CCSER1: variants seen among roughly 807,000 people sequenced by gnomAD.
The protein encoded by CCSER1 is serine-rich coiled-coil domain-containing protein 1.
CCSER1 carries 41 observed loss-of-function variants against 82.0 expected under a neutral mutation model. That is an observed-to-expected ratio of 0.50 (90% CI 0.39 to 0.65). The LOEUF (loss-of-function observed/expected upper bound fraction) is 0.65, where lower values mean the gene tolerates loss of function less well. Among genes scored for constraint, CCSER1 ranks in the 30% least tolerant of loss-of-function variants. The probability of loss-of-function intolerance (pLI) is 0.00; values close to 1 mark genes in which losing one functional copy is unlikely to be tolerated. For missense variants in CCSER1, 1,119 were observed against 1,064.2 expected (o/e 1.05, Z -0.72); for synonymous variants, 414 against 383.9 (o/e 1.08, Z -0.92).
At chr4:90,330,209 C>T (rs992410799) in intron 3 of CCSER1, among the ~76,000 whole-genome samples, 10 of 152,060 alleles carry the variant, frequency 6.6e-5, no homozygotes, top group African/African-American at 2.4e-4. Context: ...AGGATACTTC[C>T]ACCAGTAGGT....
intron 10 of CCSER1, among the ~76,000 whole-genome samples, chr4:91,291,404 C>T (rs1743732743): frequency 6.6e-6 from 1 of 151,912 alleles, no homozygotes; most frequent in Admixed American, 6.6e-5. Flanking sequence ...CGAAGAAACA[C>T]CCGAGACTGG....
intron 10 of CCSER1, among the ~76,000 whole-genome samples, chr4:91,103,315 T>C (rs1048281425): frequency 2.4e-4 from 36 of 152,166 alleles, no homozygotes; most frequent in African/African-American, 8.2e-4. Context: ...GTTTTTACCA[T>C]TGTCCTTTAA....
intron 10 of CCSER1, among the ~76,000 whole-genome samples, chr4:91,352,432 G>A (rs1412704274): frequency 6.6e-6 from 1 of 152,102 alleles, no homozygotes; most frequent in South Asian, 2.1e-4. Flanking sequence ...AATTTTAGTA[G>A]AGACAGCGTT....
At chr4:90,197,926 G>A (rs1179925435) in intron 1 of CCSER1, among the ~76,000 whole-genome samples, 5 of 152,074 alleles carry the variant, frequency 3.3e-5, no homozygotes, top group African/African-American at 1.2e-4. Flanking sequence ...CTGTTTAAGA[G>A]TAAATTAGAT....
intron 10 of CCSER1, among the ~76,000 whole-genome samples, chr4:91,315,932 C>T (rs764041859): frequency 1.4e-3 from 211 of 151,898 alleles, no homozygotes; most frequent in Non-Finnish European, 7.7e-4. Flanking sequence ...ATTGTACCTC[C>T]CATAATCACC....
intron 8 of CCSER1, among the ~76,000 whole-genome samples, chr4:90,891,832 T>G (rs996560632): frequency 6.6e-6 from 1 of 152,214 alleles, no homozygotes. Context: ...TGATCAATAA[T>G]TTCAAATACT....
intron 9 of CCSER1, among the ~76,000 whole-genome samples, chr4:91,085,456 G>A (rs1417689122): frequency 1.3e-5 from 2 of 151,958 alleles, no homozygotes; most frequent in Non-Finnish European, 2.9e-5. Flanking sequence ...GTGGAGATCA[G>A]GTATGCTAAT....
intron 4 of CCSER1, among the ~76,000 whole-genome samples, chr4:90,451,093 G>T (rs373186138): frequency 9.9e-5 from 15 of 152,066 alleles, no homozygotes; most frequent in African/African-American, 3.1e-4. Flanking sequence ...TGAGGATTGT[G>T]GTCTCCAAGC....
chr4:91,196,209 A>G (rs1388936622), intron 10 of CCSER1, among the ~76,000 whole-genome samples: 2 of 150,332 alleles, frequency 1.3e-5, no homozygotes, highest in African/African-American at 4.9e-5. Context: ...ACAAAGCCCC[A>G]TTTCTTTAAA....
intron 9 of CCSER1, among the ~76,000 whole-genome samples, chr4:91,053,136 CTTGAAAAAACCA>C (rs1743151093): frequency 6.6e-6 from 1 of 152,050 alleles, no homozygotes; most frequent in East Asian, 1.9e-4. Context: ...GAAAAATGTC[CTTGAAAAAACCA>C]TAATCTTTCT....
chr4:91,082,545 C>T lies in CCSER1; in HGVS notation c.2173-3405C>T, dbSNP rs578095558. Among the ~76,000 whole-genome samples, 8 of 152,206 alleles carry T rather than the reference C, an allele frequency of 5.3e-5. 1 individual carries two copies. In the South Asian group the frequency reaches 1.7e-3, roughly 32 times the overall value. ...ACACCAAAAGCAATGGCAACAGAAG[C>T]CAAAATTGACAAATGGGATCTAATT... On this transcript the variant is annotated intron_variant, in intron 9 of 10. Coordinates refer to ENST00000509176, the MANE Select transcript of CCSER1 (RefSeq NM_001145065.2).
intron 1 of CCSER1, among the ~76,000 whole-genome samples, chr4:90,149,736 T>C (rs1726454155): frequency 6.6e-6 from 1 of 152,148 alleles, no homozygotes; most frequent in Non-Finnish European, 1.5e-5. Flanking sequence ...TAGCTGAAAA[T>C]TTTATTATTA....
intron 5 of CCSER1, among the ~76,000 whole-genome samples, chr4:90,548,455 G>A (rs770022634): frequency 2.4e-4 from 36 of 151,958 alleles, no homozygotes; most frequent in Non-Finnish European, 3.2e-4. Context: ...TTCAAAGGAC[G>A]CAAGGAAAGG....
chr4:90,550,552 A>T (rs1777336797), intron 5 of CCSER1, among the ~76,000 whole-genome samples: 1 of 152,042 alleles, frequency 6.6e-6, no homozygotes, highest in African/African-American at 2.4e-5. Flanking sequence ...ATATAGAAAA[A>T]TATATTATTG....
intron 8 of CCSER1, among the ~76,000 whole-genome samples, chr4:90,829,403 A>G (rs908918089): frequency 1.3e-5 from 2 of 152,190 alleles, no homozygotes; most frequent in African/African-American, 4.8e-5. Flanking sequence ...AGAAAAAAAC[A>G]GCTACGCTAA....
At chr4:90,150,993 G>T (rs1726737077) in intron 1 of CCSER1, among the ~76,000 whole-genome samples, 1 of 151,954 alleles carries the variant, frequency 6.6e-6, no homozygotes, top group Non-Finnish European at 1.5e-5. Context: ...CAAAAGCGAA[G>T]CATTTGATTT....
chr4:91,025,302 C>T (rs35955130), intron 9 of CCSER1, among the ~76,000 whole-genome samples: 52,333 of 151,956 alleles, frequency 0.34, 10,629 homozygotes, highest in East Asian at 0.58. Flanking sequence ...TCACATACCT[C>T]CAATTCTTTA....
intron 6 of CCSER1, among the ~76,000 whole-genome samples, chr4:90,714,585 G>A (rs1195112845): frequency 6.6e-6 from 1 of 151,914 alleles, no homozygotes; most frequent in East Asian, 1.9e-4. Context: ...TTCTTTCCCT[G>A]GGAAAAATTG....
At chr4:91,508,091 C>T (rs1759605554) in intron 10 of CCSER1, among the ~76,000 whole-genome samples, 2 of 123,982 alleles carry the variant, frequency 1.6e-5, no homozygotes, top group East Asian at 2.4e-4. Flanking sequence ...CCCAAGTTTT[C>T]TGTGTAGAAA....
Sources: allele counts gnomAD v4.1 joint callset (sites outside exome capture counted in the v4.1 genomes callset), GRCh38; gene constraint gnomAD v4.1.1; transcripts MANE v1.5; gene names NCBI Gene and HGNC (gene_info 2026-07-23, HGNC 2026-07-21).